Variants in RANBP2 observed in about 807,000 individuals in gnomAD.
The protein encoded by RANBP2 is RAN binding protein 2, also known as E3 SUMO-protein ligase RanBP2.
Under a neutral mutation model 303.6 loss-of-function variants are expected in RANBP2, and 57 were observed. The ratio of observed to expected loss-of-function variants is 0.19; its 90% CI spans 0.15 to 0.23. The LOEUF is 0.23. RANBP2 is among the 10% of genes least tolerant of loss of function. The probability of loss-of-function intolerance (pLI) is 1.00; values close to 1 mark genes in which losing one functional copy is unlikely to be tolerated. For missense variants in RANBP2, 3,138 were observed against 3,780.8 expected, an observed-to-expected ratio of 0.83 and a Z score of 4.46; for synonymous variants, 1,167 against 1,301.5, an observed-to-expected ratio of 0.90 and a Z score of 2.23.
chr2:108,789,160 A>G (rs1355813703), downstream of RANBP2, among the ~76,000 whole-genome samples: 2 of 152,276 alleles, frequency 1.3e-5, no homozygotes, highest in Non-Finnish European at 2.9e-5. Flanking sequence ...TAATAAAAGC[A>G]TAGACCTAGC....
At chr2:109,359,709 C>A in the RANBP2 span, among the ~76,000 whole-genome samples, 1 of 152,118 alleles carries the variant, frequency 6.6e-6, no homozygotes, top group Non-Finnish European at 1.5e-5. Flanking sequence ...ATATTCCACA[C>A]CTGACCTTAT....
chr2:108,941,394 G>C, the RANBP2 span, among the ~76,000 whole-genome samples: 8 of 152,184 alleles, frequency 5.3e-5, no homozygotes, highest in Admixed American at 3.3e-4. Flanking sequence ...TCTGGCCAGA[G>C]GAGAGTCCTG....
chr2:109,460,384 G>T, the RANBP2 span, among the ~76,000 whole-genome samples: 1 of 152,206 alleles, frequency 6.6e-6, no homozygotes, highest in African/African-American at 2.4e-5. Flanking sequence ...ACATGCTGGG[G>T]ACTCACTGTT....
chr2:109,394,404 G>C, the RANBP2 span, among the ~76,000 whole-genome samples: 1 of 152,120 alleles, frequency 6.6e-6, no homozygotes, highest in East Asian at 1.9e-4. Flanking sequence ...CACCCCATCC[G>C]GTTTCATGTT....
At chr2:109,248,887 TTCCTGTCCTGTCCTGTCCTG>T in the RANBP2 span, among the ~76,000 whole-genome samples, 66 of 145,950 alleles carry the variant, frequency 4.5e-4, no homozygotes, top group East Asian at 6.1e-4. Flanking sequence ...TTCCTGTCCT[TTCCTGTCCTGTCCTGTCCTG>T]TCCTGTCCTG....
At chr2:109,108,136 C>T in the RANBP2 span, among the ~76,000 whole-genome samples, 4 of 151,880 alleles carry the variant, frequency 2.6e-5, no homozygotes. Flanking sequence ...CGATCTCCTG[C>T]CCTCGGGATC....
chr2:109,642,007 T>A, the RANBP2 span, among the ~76,000 whole-genome samples: 1 of 152,158 alleles, frequency 6.6e-6, no homozygotes, highest in Admixed American at 6.5e-5. Flanking sequence ...GGTTTCATCA[T>A]GTTGACCAGG....
the RANBP2 span, among the ~76,000 whole-genome samples, chr2:109,103,648 G>T: frequency 7.9e-4 from 120 of 152,198 alleles, no homozygotes; most frequent in Non-Finnish European, 1.0e-3. Flanking sequence ...AAATCTCTAG[G>T]TGAACTCCGT....
the RANBP2 span, among the ~76,000 whole-genome samples, chr2:109,733,875 A>G: frequency 6.6e-6 from 1 of 151,722 alleles, no homozygotes; most frequent in Non-Finnish European, 1.5e-5. Flanking sequence ...CTGATAAAAA[A>G]AAAAAAAAAA....
chr2:109,283,790 G>C, the RANBP2 span, among the ~76,000 whole-genome samples: 1 of 152,182 alleles, frequency 6.6e-6, no homozygotes, highest in South Asian at 2.1e-4. Flanking sequence ...TCTCTGCCTG[G>C]CTCCTTGTGT....
chr2:109,492,975 G>A, the RANBP2 span, among the ~76,000 whole-genome samples: 2 of 143,610 alleles, frequency 1.4e-5, no homozygotes, highest in African/African-American at 5.1e-5. Flanking sequence ...TTGGGGGACT[G>A]GGTTCACACT....
the RANBP2 span, among the ~76,000 whole-genome samples, chr2:108,936,336 C>T: frequency 6.6e-6 from 1 of 152,262 alleles, no homozygotes; most frequent in Non-Finnish European, 1.5e-5. Flanking sequence ...CAGGGCTTGC[C>T]ACGCCTGGGT....
At chr2:109,082,672 G>A in the RANBP2 span, among the ~76,000 whole-genome samples, 16 of 152,098 alleles carry the variant, frequency 1.1e-4, no homozygotes, top group South Asian at 2.1e-4. Context: ...CATTTTGAGC[G>A]GGCACAGTGG....
chr2:109,676,490 G>A, the RANBP2 span, among the ~76,000 whole-genome samples: 170 of 152,314 alleles, frequency 1.1e-3, 1 homozygote, highest in Admixed American at 2.5e-3. Flanking sequence ...CTTTTTCCTA[G>A]TTCAGCACTG....
chr2:109,152,357 A>G, the RANBP2 span, among the ~76,000 whole-genome samples: 1 of 152,304 alleles, frequency 6.6e-6, no homozygotes, highest in South Asian at 2.1e-4. Context: ...GCATTTGGCA[A>G]ATCCCTCTTA....
At chr2:109,392,623 G>A in the RANBP2 span, among the ~76,000 whole-genome samples, 22 of 152,026 alleles carry the variant, frequency 1.4e-4, no homozygotes, top group East Asian at 2.1e-3. Flanking sequence ...CACGCCAGCC[G>A]TTCTCCTGCC....
chr2:109,444,934 CAAAAA>C, the RANBP2 span, among the ~76,000 whole-genome samples: 1 of 151,542 alleles, frequency 6.6e-6, no homozygotes, highest in African/African-American at 2.4e-5. Flanking sequence ...TATACACACA[CAAAAA>C]AGAAAAACAG....
chr2:109,296,393 T>G, the RANBP2 span, among the ~76,000 whole-genome samples: 1 of 151,658 alleles, frequency 6.6e-6, no homozygotes, highest in Non-Finnish European at 1.5e-5. Context: ...ACACCCAGTT[T>G]TTTTTTTGTG....
chr2:109,582,211 A>T, the RANBP2 span, among the ~76,000 whole-genome samples: 1 of 152,186 alleles, frequency 6.6e-6, no homozygotes, highest in Admixed American at 6.5e-5. Context: ...ATCACAGATG[A>T]CACCGACAAA....
Sources: allele counts gnomAD v4.1 joint callset (sites outside exome capture counted in the v4.1 genomes callset), GRCh38; gene constraint gnomAD v4.1.1; transcripts MANE v1.5; gene names NCBI Gene and HGNC (gene_info 2026-07-23, HGNC 2026-07-21).